KHDRBS2: variants seen among roughly 807,000 people sequenced by gnomAD.
KHDRBS2 encodes the protein KH domain-containing, RNA-binding, signal transduction-associated protein 2.
Under a neutral mutation model 44.3 loss-of-function variants are expected in KHDRBS2, and 26 were observed. The observed-to-expected ratio is 0.59, with a 90% CI of 0.43 to 0.81. KHDRBS2 has a LOEUF of 0.81. Ranked by LOEUF, KHDRBS2 falls within the 40% of genes least tolerant of loss-of-function variation. The probability of loss-of-function intolerance (pLI) is 0.00; values close to 1 mark genes in which losing one functional copy is unlikely to be tolerated. For synonymous variants in KHDRBS2, 194 were observed against 151.1 expected (o/e 1.28, Z -2.08); for missense variants, 476 against 433.1 (o/e 1.10, Z -0.88).
At chr6:62,082,231 AG>A (rs1291071263) in intron 2 of KHDRBS2, among the ~76,000 whole-genome samples, 2 of 152,042 alleles carry the variant, frequency 1.3e-5, no homozygotes, top group Non-Finnish European at 2.9e-5. Context: ...AAATGATTAA[AG>A]ATTATTAAAA....
At chr6:61,552,095 T>C in the KHDRBS2 span, among the ~76,000 whole-genome samples, 3 of 152,198 alleles carry the variant, frequency 2.0e-5, no homozygotes, top group Non-Finnish European at 4.4e-5. Context: ...AATTTATAAA[T>C]TGCCTTTGGT....
intron 4 of KHDRBS2, among the ~76,000 whole-genome samples, chr6:61,913,198 T>C (rs1223699246): frequency 2.0e-5 from 3 of 152,192 alleles, no homozygotes; most frequent in Non-Finnish European, 1.5e-5. Context: ...TACACTTTGA[T>C]TCTTTTTCAT....
At chr6:61,915,014 A>C (rs562196337) in intron 4 of KHDRBS2, among the ~76,000 whole-genome samples, 1 of 152,210 alleles carries the variant, frequency 6.6e-6, no homozygotes, top group East Asian at 1.9e-4. Context: ...CAATAATAAT[A>C]ATCCAATCCA....
chr6:61,587,043 C>A, the KHDRBS2 span, among the ~76,000 whole-genome samples: 1 of 152,114 alleles, frequency 6.6e-6, no homozygotes, highest in Non-Finnish European at 1.5e-5. Flanking sequence ...CATTTTTATT[C>A]TCTTTTCAGC....
At chr6:61,682,057 T>TA (rs1205298403) in intron 8 of KHDRBS2, among the ~76,000 whole-genome samples, 1 of 151,734 alleles carries the variant, frequency 6.6e-6, no homozygotes, top group Non-Finnish European at 1.5e-5. Context: ...AATTGATATA[T>TA]AAAAAAATGG....
chr6:61,610,579 C>T, the KHDRBS2 span, among the ~76,000 whole-genome samples: 1 of 152,090 alleles, frequency 6.6e-6, no homozygotes, highest in Non-Finnish European at 1.5e-5. Flanking sequence ...CACTTGTTGG[C>T]TGCAGGTCTT....
the KHDRBS2 span, among the ~76,000 whole-genome samples, chr6:61,636,311 C>T: frequency 6.6e-6 from 1 of 152,002 alleles, no homozygotes; most frequent in Non-Finnish European, 1.5e-5. Flanking sequence ...CTAATCACCT[C>T]TAAAACATTG....
chr6:62,095,372 G>T (rs1416460111), intron 2 of KHDRBS2, among the ~76,000 whole-genome samples: 1 of 151,654 alleles, frequency 6.6e-6, no homozygotes, highest in African/African-American at 2.4e-5. Context: ...TCCTATGCAG[G>T]TATATAATTT....
chr6:61,650,729 G>T, the KHDRBS2 span, among the ~76,000 whole-genome samples: 1 of 151,852 alleles, frequency 6.6e-6, no homozygotes, highest in Admixed American at 6.6e-5. Context: ...AAGGCTGGGG[G>T]TACTAAAAAG....
In KHDRBS2 at chr6:61,978,345, AC is replaced by A. The variant is rs573410114; in HGVS notation, c.337-134del. 4.6e-4 allele frequency: 268 copies of A among 583,776 alleles called. No homozygotes were observed. The African/African-American group carries it at 4.8e-3, about 10-fold the overall frequency. 36.2% of individuals were successfully genotyped at this position (583,776 alleles called of 1,614,324 possible). A position where few individuals can be genotyped will look rare whatever the true frequency, so the allele number is the denominator to read the frequency against. On this transcript the variant is annotated intron_variant, in intron 3 of 8. Coordinates refer to ENST00000281156, the MANE Select transcript of KHDRBS2 (RefSeq NM_152688.4). ...TTGCTTCCATAATTTTCTCAAAGAA[AC>A]CCTTTGAGAAATAAAAATCTGCTAC...
At chr6:62,165,992 C>A (rs956838233) in intron 2 of KHDRBS2, among the ~76,000 whole-genome samples, 1 of 152,004 alleles carries the variant, frequency 6.6e-6, no homozygotes, top group Admixed American at 6.6e-5. Flanking sequence ...CCCCTGTAAC[C>A]GCTATTCCAC....
chr6:62,239,722 G>C (rs1306203167), intron 1 of KHDRBS2, among the ~76,000 whole-genome samples: 1 of 152,096 alleles, frequency 6.6e-6, no homozygotes, highest in Non-Finnish European at 1.5e-5. Context: ...GCCTTGCTCT[G>C]TCACCTAGGC....
chr6:61,894,100 G>A (rs1316427278), intron 6 of KHDRBS2, among the ~76,000 whole-genome samples: 2 of 152,060 alleles, frequency 1.3e-5, no homozygotes, highest in African/African-American at 2.4e-5. Flanking sequence ...TAGGAAGGGA[G>A]GGGGATGCTT....
the KHDRBS2 span, among the ~76,000 whole-genome samples, chr6:61,655,047 T>G: frequency 6.6e-6 from 1 of 151,622 alleles, no homozygotes; most frequent in Non-Finnish European, 1.5e-5. Flanking sequence ...CAGATCTCCC[T>G]CCCGCTAACT....
the KHDRBS2 span, among the ~76,000 whole-genome samples, chr6:61,558,604 A>T: frequency 6.6e-6 from 1 of 152,132 alleles, no homozygotes; most frequent in Non-Finnish European, 1.5e-5. Context: ...CATAGGTTTT[A>T]GTATGTTGTG....
chr6:61,598,825 CTTTTTTCTTTTCTTTTT>C, the KHDRBS2 span, among the ~76,000 whole-genome samples: 4 of 56,500 alleles, frequency 7.1e-5, no homozygotes, highest in Non-Finnish European at 1.4e-4. Context: ...GTAGAGTGTC[CTTTTTTCTTTTCTTTTT>C]TTTTTTTTTT....
At chr6:61,770,077 G>A (rs191458687) in intron 6 of KHDRBS2, among the ~76,000 whole-genome samples, 94 of 152,304 alleles carry the variant, frequency 6.2e-4, no homozygotes, top group Non-Finnish European at 1.2e-3. Context: ...GGCAAACAGG[G>A]TCTGGAGTGG....
chr6:61,768,142 T>G (rs1238997974), intron 6 of KHDRBS2, among the ~76,000 whole-genome samples: 1 of 152,166 alleles, frequency 6.6e-6, no homozygotes, highest in Non-Finnish European at 1.5e-5. Flanking sequence ...CTTCCTTCAG[T>G]ACTTTAAATA....
Position 62,136,127 on chromosome 6 carries a change from A to C in KHDRBS2, c.219+41058T>G, listed in dbSNP as rs140711061. Among the ~76,000 whole-genome samples, 974 of 152,226 alleles carry C rather than the reference A, an allele frequency of 6.4e-3. 5 individuals carry two copies. Among genetic ancestry groups the C allele is most frequent in the Non-Finnish European group, 0.01 (682 of 68,006 alleles). ...GATAGTGAGATGATAGATTTACTTG[A>C]CTGTAGTAACCACTTCATTGTGCAT... On this transcript the variant is annotated intron_variant, in intron 2 of 8. Transcript: ENST00000281156.
Sources: gnomAD v4.1 joint callset for allele counts (sites outside exome capture counted in the v4.1 genomes callset) on GRCh38, gnomAD v4.1.1 for gene constraint, MANE v1.5 for transcripts, NCBI Gene and HGNC (gene_info 2026-07-23, HGNC 2026-07-21) for gene names.